The following PIK3CA variants were observed in gnomAD, a reference collection of about 807,000 sequenced individuals.
PIK3CA encodes the protein phosphatidylinositol 4,5-bisphosphate 3-kinase catalytic subunit alpha isoform.
PIK3CA carries 27 observed loss-of-function variants against 138.2 expected under a neutral mutation model. The observed-to-expected ratio is 0.20, with a 90% CI of 0.14 to 0.27. PIK3CA has a LOEUF of 0.27. Ranked by LOEUF, PIK3CA falls within the 10% of genes least tolerant of loss-of-function variation. The pLI is 1.00. For missense variants in PIK3CA, 544 were observed against 1,277.4 expected (o/e 0.43, Z 8.75); for synonymous variants, 358 against 413.2 (o/e 0.87, Z 1.62).
chr3:179,154,548 A>G (rs1346290604), intron 1 of PIK3CA, among the ~76,000 whole-genome samples: 1 of 152,150 alleles, frequency 6.6e-6, no homozygotes, highest in African/African-American at 2.4e-5. Context: ...CCACTGGCCT[A>G]AGGGACTAAA....
At chr3:179,226,125 T>TA in intron 17 of PIK3CA, 85 bp downstream of exon 17, 1 of 714,880 alleles carries the variant, frequency 1.4e-6, no homozygotes, top group Middle Eastern at 2.5e-4. Flanking sequence ...TATAGAGGCA[T>TA]ATGTCTAAAA....
At chr3:179,155,810 A>G (rs142076684) in intron 1 of PIK3CA, among the ~76,000 whole-genome samples, 2 of 152,296 alleles carry the variant, frequency 1.3e-5, no homozygotes, top group African/African-American at 2.4e-5. Flanking sequence ...GCCTATTTCT[A>G]TTGATATTTG....
At position 179,225,982 on chromosome 3, in the gene PIK3CA, A is replaced by G; in HGVS notation, c.2437A>G (p.Thr813Ala). 1 of 1,593,176 alleles carries G rather than the reference A, an allele frequency of 6.3e-7. No homozygotes were observed. The highest frequency in any genetic ancestry group is 8.6e-7 in the Non-Finnish European group (1 of 1,162,282). Residue 813 changes from threonine (T) to alanine (A), a missense_variant, in exon 17 of 21, where the codon ACA becomes GCA. Thr to Ala is a moderately conservative substitution (Grantham distance 58). Transcript: ENST00000263967. ...NGDDLRQDML[T>A]LQIIRIMENI... ...TTCAGATTTACGGCAAGATATGCTA[A>G]CACTTCAAATTATTCGTATTATGGA... is the stretch of plus-strand genomic sequence containing the variant.
At chr3:179,155,441 C>T (rs958678366) in intron 1 of PIK3CA, among the ~76,000 whole-genome samples, 16 of 152,018 alleles carry the variant, frequency 1.1e-4, no homozygotes, top group Non-Finnish European at 1.8e-4. Flanking sequence ...CCTTTGTATT[C>T]GTGGGTTTTG....
intron 1 of PIK3CA, among the ~76,000 whole-genome samples, chr3:179,156,321 G>C (rs1723138933): frequency 6.6e-6 from 1 of 152,148 alleles, no homozygotes; most frequent in South Asian, 2.1e-4. Flanking sequence ...TTAAATGACT[G>C]CCAGACATTG....
intron 1 of PIK3CA, among the ~76,000 whole-genome samples, chr3:179,174,621 G>A (rs61796464): frequency 0.099 from 15,025 of 152,090 alleles, 1,183 homozygotes; most frequent in African/African-American, 0.21. Context: ...TAATAATGGG[G>A]TATATTGCTC....
intron 1 of PIK3CA, among the ~76,000 whole-genome samples, chr3:179,155,227 A>G (rs887788657): frequency 1.3e-5 from 2 of 152,224 alleles, no homozygotes; most frequent in African/African-American, 4.8e-5. Context: ...GGAGGAGACA[A>G]TGTTGTGTTT....
rs549880055 is a variant in PIK3CA, at chr3:179,223,967, G to A, written c.2188-114G>A. 1.5e-4 allele frequency: 79 copies of A among 523,316 alleles called. No homozygotes were observed. In the South Asian group the frequency reaches 1.7e-3, roughly 11 times the overall value. 32.4% of individuals were successfully genotyped at this position (523,316 alleles called of 1,614,324 possible). A position where few individuals can be genotyped will look rare whatever the true frequency, so the allele number is the denominator to read the frequency against. On this transcript the variant is annotated intron_variant, in intron 14 of 20. Transcript: ENST00000263967. ...TAATTAGAAAGCAGCAGTCTAGGAT[G>A]TAGATTCAGAGACTGTACAGTACTG...
chr3:179,203,842 T>G (rs2108393552), intron 5 of PIK3CA, 53 bp downstream of exon 5: 1 of 1,352,292 alleles, frequency 7.4e-7, no homozygotes, highest in East Asian at 2.3e-5. Context: ...TTAGATAACC[T>G]TTTTCTTGCA....
intron 1 of PIK3CA, among the ~76,000 whole-genome samples, chr3:179,192,990 CA>C (rs1724173761): frequency 6.6e-6 from 1 of 152,158 alleles, no homozygotes; most frequent in Non-Finnish European, 1.5e-5. Context: ...GTATAAAAGT[CA>C]AATGACAATG....
chr3:179,217,570 A>G (rs929481057), intron 9 of PIK3CA, among the ~76,000 whole-genome samples: 3 of 152,104 alleles, frequency 2.0e-5, no homozygotes, highest in African/African-American at 4.8e-5. Flanking sequence ...TTTGTTTTGC[A>G]TAATACATTA....
chr3:179,159,767 G>A (rs1243262809), intron 1 of PIK3CA, among the ~76,000 whole-genome samples: 1 of 152,174 alleles, frequency 6.6e-6, no homozygotes, highest in African/African-American at 2.4e-5. Context: ...ACCACAGAGT[G>A]TACCGACACA....
At position 179,210,356 on chromosome 3, in the gene PIK3CA, A is replaced by T. The variant is rs2108400921; in HGVS notation, c.1404+18A>T. On this transcript the variant is annotated intron_variant, in intron 8 of 20. Coordinates refer to ENST00000263967, the MANE Select transcript of PIK3CA (RefSeq NM_006218.4). ...CAAATAAAGTAAGGTTTTTATTGTC[A>T]TAAATTAGATATTTTTTATGGCAGT... 2.5e-6 allele frequency: 4 copies of T among 1,584,074 alleles called. No individual in the cohort carries two copies. The highest frequency in any genetic ancestry group is 3.4e-6 in the Non-Finnish European group (4 of 1,171,180).
intron 1 of PIK3CA, among the ~76,000 whole-genome samples, chr3:179,183,881 G>A (rs1723910205): frequency 6.6e-6 from 1 of 152,098 alleles, no homozygotes; most frequent in South Asian, 2.1e-4. Flanking sequence ...AATACTTTGG[G>A]AACTAAAATA....
chr3:179,148,784 C>T (rs981873678), intron 1 of PIK3CA, among the ~76,000 whole-genome samples, 181 bp downstream of exon 1: 3 of 152,158 alleles, frequency 2.0e-5, no homozygotes, highest in African/African-American at 7.2e-5. Flanking sequence ...CTGCCTCTGG[C>T]CTCTCCTAGC....
At position 179,220,897 on chromosome 3, in the gene PIK3CA, A is replaced by G. The variant is rs1724949534; in HGVS notation, c.2016-89A>G. The G allele has an allele frequency of 1.5e-6, 1 of 658,728 alleles. No homozygotes were observed. Among genetic ancestry groups the G allele is most frequent in the Non-Finnish European group, 2.3e-6 (1 of 434,560 alleles). 40.8% of individuals were successfully genotyped at this position (658,728 alleles called of 1,614,324 possible). The stretch of plus-strand genomic sequence containing the variant: ...ATTGTAACATTTATTGGATTTCAAA[A>G]ATGAGTGTTTAAATTGTTTAGCAAA... On this transcript the variant is annotated intron_variant, in intron 13 of 20. Coordinates refer to ENST00000263967, the MANE Select transcript of PIK3CA (RefSeq NM_006218.4). This position sits in a 1 kb window ranked among gnomAD's most constrained non-coding sequence, Gnocchi z 4.1.
At position 179,239,548 on chromosome 3, in the gene PIK3CA, T is replaced by C. The variant is rs1399873800; in HGVS notation, c.*5184T>C. Reference sequence around the variant, plus strand: ...GCCTTCATCTGATTTCAAAAATGTTTTGAGTTTCAAATGAAGTTAATGGTT... The same window carrying C: ...GCCTTCATCTGATTTCAAAAATGTTCTGAGTTTCAAATGAAGTTAATGGTT... On this transcript the variant is annotated 3_prime_UTR_variant, in exon 21 of 21. Transcript: ENST00000263967. 4.5e-6 allele frequency: 1 copy of C among 221,148 alleles called. No homozygotes were observed. Among genetic ancestry groups the C allele is most frequent in the Non-Finnish European group, 9.0e-6 (1 of 110,692 alleles). The allele number at this position is 221,148 out of a possible 1,614,324, so 13.7% of individuals were successfully genotyped here. A position where few individuals can be genotyped will look rare whatever the true frequency, so the allele number is the denominator to read the frequency against.
At chr3:179,152,177 C>T (rs1723029991) in intron 1 of PIK3CA, among the ~76,000 whole-genome samples, 1 of 152,196 alleles carries the variant, frequency 6.6e-6, no homozygotes, top group Admixed American at 6.5e-5. Flanking sequence ...GAAATTGCCA[C>T]ACATACGAAT....
rs201682277 is a variant in PIK3CA, at chr3:179,203,529, C to G, written c.814-15C>G. On this transcript the variant is annotated splice_polypyrimidine_tract_variant and intron_variant, in intron 4 of 20. Coordinates refer to ENST00000263967, the MANE Select transcript of PIK3CA (RefSeq NM_006218.4). ...AACCTTACAGGAAATGGCTCGCCCC[C>G]TTAATCTCTTACAGTATATAAGAAG... The G allele has an allele frequency of 3.9e-5, 62 of 1,594,572 alleles. 1 individual carries two copies. In the African/African-American group the frequency reaches 6.4e-4, roughly 16 times the overall value.
Sources: allele counts gnomAD v4.1 joint callset (sites outside exome capture counted in the v4.1 genomes callset), GRCh38; gene constraint gnomAD v4.1.1; non-coding constraint Gnocchi (gnomAD v3.1); transcripts MANE v1.5; gene names NCBI Gene and HGNC (gene_info 2026-07-23, HGNC 2026-07-21).